EDNRA: variants seen among roughly 807,000 people sequenced by gnomAD.
EDNRA encodes the protein endothelin-1 receptor.
EDNRA carries 11 observed loss-of-function variants against 41.4 expected under a neutral mutation model. The ratio of observed to expected loss-of-function variants is 0.27; its 90% CI spans 0.17 to 0.44. The LOEUF (loss-of-function observed/expected upper bound fraction) is 0.44. Ranked by LOEUF, EDNRA falls within the 20% of genes least tolerant of loss-of-function variation. The probability of loss-of-function intolerance (pLI) is 1.00; values close to 1 mark genes in which losing one functional copy is unlikely to be tolerated. For missense variants in EDNRA, 294 were observed against 531.0 expected, an observed-to-expected ratio of 0.55 and a Z score of 4.39; for synonymous variants, 172 against 183.0, an observed-to-expected ratio of 0.94 and a Z score of 0.49.
chr4:147,481,376 G>T lies in EDNRA; in HGVS notation c.-71G>T, dbSNP rs946739186. 6.6e-6 allele frequency: 1 copy of T among 152,366 alleles called. No homozygotes were observed. The highest frequency in any genetic ancestry group is 2.4e-5 in the African/African-American group (1 of 41,464). The allele number at this position is 152,366 out of a possible 1,614,324, so 9.4% of individuals were successfully genotyped here. On this transcript the variant is annotated splice_region_variant and 5_prime_UTR_variant, in exon 1 of 8. Coordinates refer to ENST00000651419, the MANE Select transcript of EDNRA (RefSeq NM_001957.4). ...GCTGTCTGCGCACGCCGAGCTCCAC[G>T]GTCGGTGCAAGTCTTTCTTATCGGG...
rs191369618 is a variant in EDNRA at position 147,542,933 on chromosome 4, A to G, written c.*315A>G. The stretch of plus-strand genomic sequence containing the variant: ...ATATTTACTACTTTTGCATGAAAAT[A>G]GAGCTTTCAAGTACATGGCTAGCTT... On this transcript the variant is annotated 3_prime_UTR_variant, in exon 8 of 8. Coordinates refer to ENST00000651419, the MANE Select transcript of EDNRA (RefSeq NM_001957.4). 1.2e-3 allele frequency: 250 copies of G among 200,040 alleles called. 2 individuals carry two copies. The highest frequency in any genetic ancestry group is 5.5e-3 in the African/African-American group (239 of 43,484). 12.4% of individuals were successfully genotyped at this position (200,040 alleles called of 1,614,324 possible).
intron 2 of EDNRA, chr4:147,495,865 G>A (rs1348012298): frequency 6.6e-6 from 1 of 152,232 alleles, no homozygotes; most frequent in East Asian, 1.9e-4. Context: ...AAAGGAGGAT[G>A]TGGAAGCATA....
intron 1 of EDNRA, among the ~76,000 whole-genome samples, chr4:147,484,025 C>A (rs1239739895): frequency 6.6e-6 from 1 of 152,106 alleles, no homozygotes; most frequent in Non-Finnish European, 1.5e-5. Context: ...CCAACCAGGA[C>A]TCAATTTTTT....
chr4:147,521,112 G>C (rs1222705558), intron 3 of EDNRA, among the ~76,000 whole-genome samples: 2 of 152,140 alleles, frequency 1.3e-5, no homozygotes, highest in African/African-American at 4.8e-5. Flanking sequence ...CAAAAAATTA[G>C]CTGGACATGG....
At chr4:147,499,349 C>A (rs1470189580) in intron 2 of EDNRA, among the ~76,000 whole-genome samples, 1 of 152,172 alleles carries the variant, frequency 6.6e-6, no homozygotes, top group African/African-American at 2.4e-5. Flanking sequence ...AGCCACCATG[C>A]CCAGCCTGAA....
intron 2 of EDNRA, chr4:147,489,676 T>A (rs1464622167): frequency 6.6e-6 from 1 of 152,196 alleles, no homozygotes; most frequent in Admixed American, 6.5e-5. Flanking sequence ...GCCTGTGGCA[T>A]GGAAGGTGGG....
chr4:147,505,420 A>G (rs1190705926), intron 2 of EDNRA, among the ~76,000 whole-genome samples: 2 of 139,840 alleles, frequency 1.4e-5, no homozygotes, highest in African/African-American at 2.8e-5. Context: ...GCTCACTGCA[A>G]CCTCCGCCTC....
chr4:147,507,717 G>A (rs1252256923), intron 2 of EDNRA, among the ~76,000 whole-genome samples: 3 of 152,138 alleles, frequency 2.0e-5, no homozygotes, highest in African/African-American at 7.2e-5. Flanking sequence ...AATAATATTG[G>A]TAGATTATAT....
chr4:147,525,998 T>C (rs1384140875), intron 3 of EDNRA, among the ~76,000 whole-genome samples: 2 of 152,206 alleles, frequency 1.3e-5, no homozygotes, highest in African/African-American at 4.8e-5. Context: ...TTGGACTTGG[T>C]TTCTCCTTAT....
chr4:147,508,353 G>T (rs1729799983), intron 2 of EDNRA, among the ~76,000 whole-genome samples: 1 of 152,114 alleles, frequency 6.6e-6, no homozygotes, highest in South Asian at 2.1e-4. Context: ...TGTCCAGGCT[G>T]GTCTCAAACC....
In EDNRA at chr4:147,525,342, G is replaced by A. The variant is rs772674855; in HGVS notation, c.548+5364G>A. Among the ~76,000 whole-genome samples, 8 of 152,146 alleles carry A rather than the reference G, an allele frequency of 5.3e-5. No individual in the cohort carries two copies. In the East Asian group the frequency reaches 7.7e-4, roughly 15 times the overall value. ...GTTTAACCTTTTGAATAATTCCTCC[G>A]CAAATCTAGTTTCACATCCTTGGTC... On this transcript the variant is annotated intron_variant, in intron 3 of 7. Transcript: ENST00000651419.
intron 2 of EDNRA, among the ~76,000 whole-genome samples, chr4:147,514,219 C>A (rs1019010542): frequency 6.6e-5 from 10 of 152,148 alleles, no homozygotes; most frequent in African/African-American, 1.9e-4. Context: ...GGGGAACTGG[C>A]TTACCCAAGG....
intron 4 of EDNRA, among the ~76,000 whole-genome samples, chr4:147,534,298 C>T (rs1730847682): frequency 1.3e-5 from 2 of 152,158 alleles, no homozygotes; most frequent in South Asian, 4.1e-4. Flanking sequence ...AGAGAGAGTG[C>T]TTCTGACTTT....
intron 3 of EDNRA, among the ~76,000 whole-genome samples, chr4:147,526,119 G>A (rs1205748829): frequency 6.6e-6 from 1 of 152,212 alleles, no homozygotes. Context: ...AGGCTGGCTA[G>A]GGCAATAGGA....
chr4:147,527,662 T>C (rs1046935851), intron 3 of EDNRA, among the ~76,000 whole-genome samples: 2 of 152,218 alleles, frequency 1.3e-5, no homozygotes, highest in Non-Finnish European at 2.9e-5. Context: ...TCAATAAACA[T>C]GCATTAAATG....
intron 2 of EDNRA, among the ~76,000 whole-genome samples, chr4:147,501,995 A>C (rs1333071144): frequency 4.6e-5 from 7 of 152,160 alleles, no homozygotes; most frequent in African/African-American, 1.7e-4. Flanking sequence ...CTATTTCCCC[A>C]TTGCCTAAAC....
intron 3 of EDNRA, among the ~76,000 whole-genome samples, chr4:147,527,953 T>C (rs1168757948): frequency 1.3e-5 from 2 of 152,192 alleles, no homozygotes; most frequent in Non-Finnish European, 2.9e-5. Context: ...CATAGATCCC[T>C]CCTTTAAATT....
intron 1 of EDNRA, among the ~76,000 whole-genome samples, chr4:147,481,627 C>G (rs1045535359): frequency 2.6e-5 from 4 of 151,844 alleles, no homozygotes; most frequent in African/African-American, 9.7e-5. Context: ...CACCTCTCCA[C>G]GTTAGGGTTT....
intron 2 of EDNRA, among the ~76,000 whole-genome samples, chr4:147,509,623 G>A (rs1729850066): frequency 6.6e-6 from 1 of 152,120 alleles, no homozygotes. Flanking sequence ...ATTACCTCAT[G>A]AGCTTTGCCT....
Sources: gnomAD v4.1 joint callset for allele counts (sites outside exome capture counted in the v4.1 genomes callset) on GRCh38, gnomAD v4.1.1 for gene constraint, MANE v1.5 for transcripts, NCBI Gene and HGNC (gene_info 2026-07-23, HGNC 2026-07-21) for gene names.